MYO5B: variants seen among roughly 807,000 people sequenced by gnomAD.
The protein encoded by MYO5B is myosin VB, also known as unconventional myosin-Vb.
In MYO5B, 143 loss-of-function variants were observed where a neutral mutation model predicts 229.3. The ratio of observed to expected loss-of-function variants is 0.62; its 90% CI spans 0.54 to 0.72. MYO5B has a LOEUF of 0.72. Among genes scored for constraint, MYO5B ranks in the 30% least tolerant of loss-of-function variants. The pLI, the probability that MYO5B is intolerant of heterozygous loss-of-function variation, is 0.00. For synonymous variants in MYO5B, 918 were observed against 885.2 expected (o/e 1.04, Z -0.66); for missense variants, 2,321 against 2,331.0 (o/e 1.00, Z 0.09).
intron 17 of MYO5B, among the ~76,000 whole-genome samples, chr18:49,925,715 C>T (rs901518750): frequency 6.6e-6 from 1 of 152,134 alleles, no homozygotes; most frequent in South Asian, 2.1e-4. Flanking sequence ...GCCAGCTGCC[C>T]GTGGAAGATG....
chr18:50,192,366 G>T (rs565216763), intron 1 of MYO5B, among the ~76,000 whole-genome samples: 1 of 152,302 alleles, frequency 6.6e-6, no homozygotes, highest in South Asian at 2.1e-4. Context: ...CAATCCTGAA[G>T]ACAAAGCCCA....
At chr18:49,881,042 C>T (rs568798700) in intron 22 of MYO5B, among the ~76,000 whole-genome samples, 139 of 152,306 alleles carry the variant, frequency 9.1e-4, no homozygotes, top group African/African-American at 3.0e-3. Flanking sequence ...TCAATAAATA[C>T]GAAGGGAGCT....
chr18:50,043,745 G>T (rs1029817100), intron 2 of MYO5B, among the ~76,000 whole-genome samples: 1 of 147,592 alleles, frequency 6.8e-6, no homozygotes, highest in Non-Finnish European at 1.5e-5. Flanking sequence ...GGAATGAATG[G>T]CATTAGCAGC....
At chr18:49,871,054 C>T (rs1045217572) in intron 27 of MYO5B, among the ~76,000 whole-genome samples, 2 of 152,280 alleles carry the variant, frequency 1.3e-5, no homozygotes, top group Admixed American at 1.3e-4. Context: ...AGATGTCTAA[C>T]AAATGGATAA....
At chr18:49,935,539 G>A (rs1378708680) in intron 16 of MYO5B, among the ~76,000 whole-genome samples, 1 of 152,230 alleles carries the variant, frequency 6.6e-6, no homozygotes, top group Non-Finnish European at 1.5e-5. Context: ...TCATTCTTGG[G>A]GGGTGGCAGG....
At chr18:49,844,719 A>G (rs2024103612) in intron 33 of MYO5B, among the ~76,000 whole-genome samples, 1 of 152,230 alleles carries the variant, frequency 6.6e-6, no homozygotes, top group Admixed American at 6.5e-5. Flanking sequence ...TATCCAGGAA[A>G]ATGTATTTTG....
At chr18:49,929,626 A>AT in intron 16 of MYO5B, 28 bp from the exon 17 acceptor site, 1 of 1,210,430 alleles carries the variant, frequency 8.3e-7, no homozygotes, top group South Asian at 1.3e-5. Flanking sequence ...AAAAAAAAAA[A>AT]GCAAGACAAG....
intron 2 of MYO5B, among the ~76,000 whole-genome samples, chr18:50,052,070 G>C (rs772985811): frequency 6.6e-6 from 1 of 152,156 alleles, no homozygotes; most frequent in African/African-American, 2.4e-5. Flanking sequence ...TGCTGGAGAG[G>C]ATGTGGAGAA....
At position 49,997,369 on chromosome 18, in the gene MYO5B, C is replaced by CT. The variant is rs34011258; in HGVS notation, c.612+3885dup. Among the ~76,000 whole-genome samples the CT allele has an allele frequency of 1.7e-3, 104 of 60,350 alleles. 6 individuals carry two copies. Among genetic ancestry groups the CT allele is most frequent in the African/African-American group, 3.9e-3 (54 of 14,006 alleles). The allele number at this position is 60,350 out of a possible 152,430, so 39.6% of individuals were successfully genotyped here. A position where few individuals can be genotyped will look rare whatever the true frequency, so the allele number is the denominator to read the frequency against. On this transcript the variant is annotated intron_variant, in intron 5 of 39. Transcript: ENST00000285039. Reference sequence around the variant, plus strand: ...AGCTTCACTCTAGCCTCCTTTCTTTCTTTTTTTTTTTTTTTTTTTTTTTTT... The same window carrying CT: ...AGCTTCACTCTAGCCTCCTTTCTTTCTTTTTTTTTTTTTTTTTTTTTTTTTT...
chr18:50,116,844 C>CAA (rs35037356), intron 1 of MYO5B, among the ~76,000 whole-genome samples: 2,674 of 125,246 alleles, frequency 0.021, 73 homozygotes, highest in African/African-American at 0.075. Flanking sequence ...ACTGAGTTAC[C>CAA]AAAAAAAAAA....
chr18:50,106,170 A>C (rs1176643640), intron 1 of MYO5B, among the ~76,000 whole-genome samples: 3 of 152,038 alleles, frequency 2.0e-5, no homozygotes, highest in Non-Finnish European at 4.4e-5. Context: ...TTCACCAAGC[A>C]GATCTCCCGA....
intron 1 of MYO5B, among the ~76,000 whole-genome samples, chr18:50,111,555 A>G (rs1223797298): frequency 6.6e-6 from 1 of 152,228 alleles, no homozygotes; most frequent in African/African-American, 2.4e-5. Context: ...ACTGAATTCA[A>G]AAGAAACAGG....
chr18:49,846,130 A>G (rs1249200738), intron 33 of MYO5B, among the ~76,000 whole-genome samples: 2 of 152,192 alleles, frequency 1.3e-5, no homozygotes, highest in Admixed American at 6.5e-5. Flanking sequence ...ACATGCCTGG[A>G]TAAGAAACTG....
At chr18:49,840,633 G>C (rs1199840181) in intron 35 of MYO5B, 2 of 152,368 alleles carry the variant, frequency 1.3e-5, no homozygotes, top group Non-Finnish European at 2.9e-5. Context: ...ACCTGTGAGC[G>C]GGCATATCTG....
intron 1 of MYO5B, among the ~76,000 whole-genome samples, chr18:50,057,719 C>T (rs888057255): frequency 6.6e-6 from 1 of 152,114 alleles, no homozygotes; most frequent in Non-Finnish European, 1.5e-5. Flanking sequence ...TGTCCCATAC[C>T]CACAAAACCT....
At chr18:49,979,718 G>A (rs2025793890) in intron 9 of MYO5B, among the ~76,000 whole-genome samples, 1 of 152,170 alleles carries the variant, frequency 6.6e-6, no homozygotes, top group Non-Finnish European at 1.5e-5. Context: ...CCATAAATGG[G>A]CATAAGAGGT....
intron 29 of MYO5B, among the ~76,000 whole-genome samples, chr18:49,859,130 T>C (rs1435062881): frequency 1.3e-5 from 2 of 152,162 alleles, no homozygotes; most frequent in Non-Finnish European, 2.9e-5. Context: ...GAACCTAGCA[T>C]TGGGGCAACT....
intron 1 of MYO5B, among the ~76,000 whole-genome samples, chr18:50,096,866 A>C (rs1011549905): frequency 1.3e-5 from 2 of 152,138 alleles, no homozygotes; most frequent in Non-Finnish European, 2.9e-5. Context: ...GCTCCTCAGC[A>C]TGGCTACAAT....
chr18:49,936,689 C>T (rs2025254206), intron 15 of MYO5B, among the ~76,000 whole-genome samples: 1 of 152,156 alleles, frequency 6.6e-6, no homozygotes, highest in Non-Finnish European at 1.5e-5. Flanking sequence ...GCCTGCTCTT[C>T]CTAAACCTGA....
Sources: allele counts gnomAD v4.1 joint callset (sites outside exome capture counted in the v4.1 genomes callset), GRCh38; gene constraint gnomAD v4.1.1; transcripts MANE v1.5; gene names NCBI Gene and HGNC (gene_info 2026-07-23, HGNC 2026-07-21).